UMAD1: variants seen among roughly 807,000 people sequenced by gnomAD.
The protein encoded by UMAD1 is UBAP1-MVB12-associated (UMA)-domain containing protein 1.
UMAD1 carries 8 observed loss-of-function variants against 6.1 expected under a neutral mutation model. The ratio of observed to expected loss-of-function variants is 1.30; its 90% CI spans 0.76 to 2.35. The LOEUF is 2.35. UMAD1 is among the 30% of genes most tolerant of loss of function. UMAD1 has a pLI of 0.00. For synonymous variants in UMAD1, 56 were observed against 31.4 expected (o/e 1.78, Z -2.61); for missense variants, 130 against 78.4 (o/e 1.66, Z -2.49).
chr7:7,781,296 T>C (rs1254877546), intron 2 of UMAD1, among the ~76,000 whole-genome samples: 3 of 152,176 alleles, frequency 2.0e-5, no homozygotes, highest in South Asian at 2.1e-4. Context: ...AACAATTTAA[T>C]AGTACATAGG....
chr7:7,643,282 G>A (rs1785016405), intron 1 of UMAD1, among the ~76,000 whole-genome samples: 2 of 152,154 alleles, frequency 1.3e-5, no homozygotes, highest in Admixed American at 1.3e-4. Flanking sequence ...ACACTCCACC[G>A]GAAAAAGGAA....
chr7:7,744,593 G>GTTTT (rs377391555), intron 2 of UMAD1, among the ~76,000 whole-genome samples: 1 of 135,872 alleles, frequency 7.4e-6, no homozygotes, highest in Non-Finnish European at 1.6e-5. Context: ...AATTGTTACT[G>GTTTT]TTTTTTTTTT....
At chr7:7,744,697 T>C (rs1343126309) in intron 2 of UMAD1, among the ~76,000 whole-genome samples, 1 of 152,148 alleles carries the variant, frequency 6.6e-6, no homozygotes, top group Non-Finnish European at 1.5e-5. Context: ...TTTCGTGTGC[T>C]TATTGGCCAT....
At chr7:7,675,316 C>T (rs955644754) in intron 2 of UMAD1, among the ~76,000 whole-genome samples, 5 of 152,178 alleles carry the variant, frequency 3.3e-5, no homozygotes, top group Non-Finnish European at 7.3e-5. Context: ...TCTACTTTAT[C>T]CCTACTTCTC....
chr7:7,764,228 C>A (rs1781945647), intron 2 of UMAD1, among the ~76,000 whole-genome samples: 1 of 152,064 alleles, frequency 6.6e-6, no homozygotes, highest in Admixed American at 6.6e-5. Flanking sequence ...AGCAGGGAAG[C>A]AGAAATCTCT....
intron 3 of UMAD1, among the ~76,000 whole-genome samples, chr7:7,876,323 A>T (rs1784418606): frequency 6.6e-6 from 1 of 152,150 alleles, no homozygotes; most frequent in Admixed American, 6.5e-5. Flanking sequence ...CGAGCTGGAG[A>T]TGAGGGCAGA....
chr7:7,804,141 G>T (rs6943514), intron 3 of UMAD1, among the ~76,000 whole-genome samples: 69,380 of 152,008 alleles, frequency 0.46, 16,434 homozygotes, highest in African/African-American at 0.57. Context: ...TGCCTTCTAT[G>T]CAAGTACCGG....
At chr7:7,658,893 T>C (rs1257073885) in intron 1 of UMAD1, among the ~76,000 whole-genome samples, 8 of 152,164 alleles carry the variant, frequency 5.3e-5, no homozygotes, top group Admixed American at 5.2e-4. Flanking sequence ...CCAGCTCCTG[T>C]TTGTACCTCT....
chr7:7,651,189 A>C (rs1785216141), intron 1 of UMAD1, among the ~76,000 whole-genome samples: 1 of 152,254 alleles, frequency 6.6e-6, no homozygotes. Flanking sequence ...AATCAATAAA[A>C]GATTTCAAAA....
At chr7:7,741,860 CT>C in intron 2 of UMAD1, 1 of 210,716 alleles carries the variant, frequency 4.7e-6, no homozygotes, top group South Asian at 7.0e-5. Context: ...AATAGAACAC[CT>C]TTGTAAAATG....
intron 2 of UMAD1, among the ~76,000 whole-genome samples, chr7:7,749,139 G>T (rs1478327971): frequency 6.6e-6 from 1 of 152,064 alleles, no homozygotes; most frequent in African/African-American, 2.4e-5. Flanking sequence ...TTTGAGGACA[G>T]GTTTGTGGGG....
At chr7:7,646,480 A>ATTTTTT (rs35948027) in intron 1 of UMAD1, among the ~76,000 whole-genome samples, 7 of 111,338 alleles carry the variant, frequency 6.3e-5, no homozygotes, top group South Asian at 3.1e-4. Context: ...CTTTCGCTGG[A>ATTTTTT]TTTTTTTTTT....
At chr7:7,776,578 G>A (rs993386447) in intron 2 of UMAD1, among the ~76,000 whole-genome samples, 3 of 152,062 alleles carry the variant, frequency 2.0e-5, no homozygotes, top group Admixed American at 2.0e-4. Flanking sequence ...TTTTGAAAAG[G>A]CCTTTTAGAT....
chr7:7,698,202 C>T (rs1353542761), intron 2 of UMAD1, among the ~76,000 whole-genome samples: 1 of 152,148 alleles, frequency 6.6e-6, no homozygotes, highest in Middle Eastern at 3.2e-3. Flanking sequence ...CTATATGCTT[C>T]ATTAGTGTTT....
intron 1 of UMAD1, among the ~76,000 whole-genome samples, chr7:7,653,287 G>T (rs1246834103): frequency 6.6e-6 from 1 of 152,192 alleles, no homozygotes; most frequent in Non-Finnish European, 1.5e-5. Context: ...ATATAAATGT[G>T]TCACTGTATC....
At chr7:7,782,674 A>G (rs550965711) in intron 2 of UMAD1, among the ~76,000 whole-genome samples, 3 of 150,908 alleles carry the variant, frequency 2.0e-5, no homozygotes, top group Admixed American at 6.6e-5. Context: ...AATCCACGTT[A>G]TTGACCGTCT....
At chr7:7,687,977 C>G (rs1320425042) in intron 2 of UMAD1, among the ~76,000 whole-genome samples, 1 of 152,116 alleles carries the variant, frequency 6.6e-6, no homozygotes, top group African/African-American at 2.4e-5. Context: ...CCTGAAATAG[C>G]TTGTTGATGG....
chr7:7,839,380 TA>T (rs996090176), intron 3 of UMAD1, among the ~76,000 whole-genome samples: 2 of 151,844 alleles, frequency 1.3e-5, no homozygotes, highest in South Asian at 2.1e-4. Context: ...CAGGCTAATT[TA>T]AAAAAAAATT....
Position 7,847,103 on chromosome 7 carries a change from AAATATATATATATATATATAT to A in UMAD1, c.157-30176_157-30156del, listed in dbSNP as rs1251077053. Among the ~76,000 whole-genome samples the A allele has an allele frequency of 1.1e-3, 22 of 20,766 alleles. 2 individuals carry two copies. The highest frequency in any genetic ancestry group is 6.6e-3 in the East Asian group (3 of 454). The allele number at this position is 20,766 out of a possible 152,430, so 13.6% of individuals were successfully genotyped here. A position where few individuals can be genotyped will look rare whatever the true frequency, so the allele number is the denominator to read the frequency against. ...ACAGCAATGCAAAAAAAAAAAAAAA[AAATATATATATATATATATAT>A]ATATATATATATATATATATATATA... On this transcript the variant is annotated intron_variant, in intron 3 of 3. Coordinates refer to ENST00000682710, the MANE Select transcript of UMAD1 (RefSeq NM_001302348.2).
Sources: gnomAD v4.1 joint callset for allele counts (sites outside exome capture counted in the v4.1 genomes callset) on GRCh38, gnomAD v4.1.1 for gene constraint, MANE v1.5 for transcripts, NCBI Gene and HGNC (gene_info 2026-07-23, HGNC 2026-07-21) for gene names.